The following FRAS1 variants were observed in gnomAD, a reference collection of about 807,000 sequenced individuals.
FRAS1 encodes the protein extracellular matrix organizing protein FRAS1.
FRAS1 carries 290 observed loss-of-function variants against 435.2 expected under a neutral mutation model. The observed-to-expected ratio is 0.67, with a 90% CI of 0.61 to 0.73. The LOEUF (loss-of-function observed/expected upper bound fraction) is 0.73. Among genes scored for constraint, FRAS1 ranks in the 30% least tolerant of loss-of-function variants. The pLI, the probability that FRAS1 is intolerant of heterozygous loss-of-function variation, is 0.00. For missense variants in FRAS1, 4,860 were observed against 5,001.5 expected, an observed-to-expected ratio of 0.97 and a Z score of 0.85; for synonymous variants, 1,800 against 1,851.0, an observed-to-expected ratio of 0.97 and a Z score of 0.71.
chr4:78,308,135 T>C lies in FRAS1; in HGVS notation c.1604T>C (p.Leu535Pro), dbSNP rs767592702. 1 of 1,613,918 alleles carries C rather than the reference T, an allele frequency of 6.2e-7. No homozygotes were observed. The highest frequency in any genetic ancestry group is 1.7e-5 in the Admixed American group (1 of 60,026). ...CACTGCTTGGCCTGCAGAGATCCCC[T>C]CCACGTGCTGAGAGATGGCGGCTGT... ...EKHCLACRDP[L>P]HVLRDGGCES... Residue 535 changes from leucine to proline, a missense_variant, in exon 15 of 74, where the codon CTC becomes CCC. By Grantham distance (98) the Leu-to-Pro change is moderately conservative. Coordinates refer to ENST00000512123, the MANE Select transcript of FRAS1 (RefSeq NM_025074.7).
Position 78,483,791 on chromosome 4 carries a change from T to TATAC in FRAS1, c.8752+1259_8752+1260insCATA, listed in dbSNP as rs1720087626. 1.7e-5 allele frequency among the ~76,000 whole-genome samples: 2 copies of TATAC among 120,280 alleles called. 1 individual carries two copies. The highest frequency in any genetic ancestry group is 6.2e-5 in the African/African-American group (2 of 32,026). The allele number at this position is 120,280 out of a possible 152,430, so 78.9% of individuals were successfully genotyped here. ...AACTCTCTCTCTCTCTCTATATATA[T>TATAC]ATATATAAAATTATGTATGTGTGAT... On this transcript the variant is annotated intron_variant, in intron 58 of 73. Coordinates refer to ENST00000512123, the MANE Select transcript of FRAS1 (RefSeq NM_025074.7).
intron 2 of FRAS1, among the ~76,000 whole-genome samples, chr4:78,177,575 G>A (rs10027012): frequency 0.027 from 4,171 of 152,286 alleles, 220 homozygotes; most frequent in African/African-American, 0.095. Context: ...ATCTCTGGGT[G>A]AGGTCAGTTG....
chr4:78,541,241 C>A lies in FRAS1; in HGVS notation c.*117C>A. The A allele has an allele frequency of 1.8e-6, 1 of 560,064 alleles. No individual in the cohort carries two copies. The highest frequency in any genetic ancestry group is 2.8e-6 in the Non-Finnish European group (1 of 354,404). 34.7% of individuals were successfully genotyped at this position (560,064 alleles called of 1,614,324 possible). A position where few individuals can be genotyped will look rare whatever the true frequency, so the allele number is the denominator to read the frequency against. ...GAAAACTATAGCTTTGAGTGGCAGA[C>A]AGCACACATCACATGCATCAACTCA... On this transcript the variant is annotated 3_prime_UTR_variant, in exon 74 of 74. Coordinates refer to ENST00000512123, the MANE Select transcript of FRAS1 (RefSeq NM_025074.7).
chr4:78,503,072 A>T (rs976768368), intron 61 of FRAS1, among the ~76,000 whole-genome samples: 1 of 152,162 alleles, frequency 6.6e-6, no homozygotes. Context: ...AGCCAACATG[A>T]TCGTGGTGGA....
chr4:78,085,329 T>C (rs763074877), intron 2 of FRAS1, among the ~76,000 whole-genome samples: 5 of 152,168 alleles, frequency 3.3e-5, no homozygotes, highest in Non-Finnish European at 5.9e-5. Flanking sequence ...CTGCCTATCA[T>C]TGTTGGTCTT....
intron 18 of FRAS1, among the ~76,000 whole-genome samples, chr4:78,327,887 G>A (rs1194153700): frequency 6.6e-6 from 1 of 152,088 alleles, no homozygotes; most frequent in East Asian, 1.9e-4. Context: ...TTTAAAGGAT[G>A]CAGATGTTAA....
chr4:78,278,750 T>C lies in FRAS1; in HGVS notation c.1071+6T>C. ...ATGAAGAAACTGGAGAATTTGTGAG[T>C]ATCAGGCTTATAACCGAAGATGATT... On this transcript the variant is annotated splice_donor_region_variant and intron_variant, in intron 10 of 73. Coordinates refer to ENST00000512123, the MANE Select transcript of FRAS1 (RefSeq NM_025074.7). The C allele has an allele frequency of 6.7e-7, 1 of 1,490,190 alleles. No homozygotes were observed. The highest frequency in any genetic ancestry group is 9.4e-7 in the Non-Finnish European group (1 of 1,069,478). 92.3% of individuals were successfully genotyped at this position (1,490,190 alleles called of 1,614,324 possible). A position where few individuals can be genotyped will look rare whatever the true frequency, so the allele number is the denominator to read the frequency against.
chr4:78,243,688 A>G (rs1007930001), intron 3 of FRAS1, among the ~76,000 whole-genome samples: 1 of 151,904 alleles, frequency 6.6e-6, no homozygotes, highest in Non-Finnish European at 1.5e-5. Flanking sequence ...ACAAACACAT[A>G]CACATATATA....
chr4:78,105,079 T>C (rs536325869), intron 2 of FRAS1, among the ~76,000 whole-genome samples: 19 of 152,268 alleles, frequency 1.2e-4, no homozygotes, highest in African/African-American at 4.6e-4. Context: ...AGCCTGCTGT[T>C]CTCCCAATTT....
At chr4:78,537,324 T>A (rs1721915674) in intron 72 of FRAS1, 124 bp downstream of exon 72, 7 of 928,722 alleles carry the variant, frequency 7.5e-6, no homozygotes, top group Admixed American at 2.9e-5. Context: ...TATGTTTGTG[T>A]TGTTGTTTCT....
chr4:78,105,448 C>T (rs916113463), intron 2 of FRAS1, among the ~76,000 whole-genome samples: 1 of 152,134 alleles, frequency 6.6e-6, no homozygotes, highest in Non-Finnish European at 1.5e-5. Context: ...AGGAGAGATA[C>T]TCATATCCTA....
chr4:78,259,401 G>A (rs1389567520), intron 6 of FRAS1, among the ~76,000 whole-genome samples: 6 of 145,622 alleles, frequency 4.1e-5, no homozygotes, highest in East Asian at 4.0e-4. Context: ...TTGCCATTCT[G>A]ACTGGTGTGA....
At chr4:78,355,216 A>C (rs1464809148) in intron 20 of FRAS1, among the ~76,000 whole-genome samples, 2 of 152,098 alleles carry the variant, frequency 1.3e-5, no homozygotes, top group Admixed American at 1.3e-4. Context: ...TAATGTGTTT[A>C]TTAATTTGCT....
At chr4:78,498,365 G>T (rs1189057149) in intron 60 of FRAS1, among the ~76,000 whole-genome samples, 1 of 152,280 alleles carries the variant, frequency 6.6e-6, no homozygotes, top group African/African-American at 2.4e-5. Flanking sequence ...AATTAGCCAG[G>T]CGTGGTGGCA....
At chr4:78,312,479 A>G (rs1048164381) in intron 15 of FRAS1, among the ~76,000 whole-genome samples, 7 of 151,870 alleles carry the variant, frequency 4.6e-5, no homozygotes, top group Admixed American at 4.6e-4. Context: ...TTCCTTTTCA[A>G]AGTTGACTTA....
At chr4:78,530,429 A>T (rs2109901947) in intron 70 of FRAS1, among the ~76,000 whole-genome samples, 1 of 152,210 alleles carries the variant, frequency 6.6e-6, no homozygotes, top group South Asian at 2.1e-4. Flanking sequence ...CCCCAGGCTT[A>T]ACCTTGGATC....
At chr4:78,502,690 A>G (rs532743630) in intron 61 of FRAS1, among the ~76,000 whole-genome samples, 1 of 152,128 alleles carries the variant, frequency 6.6e-6, no homozygotes, top group Non-Finnish European at 1.5e-5. Flanking sequence ...TCTTTTCCTA[A>G]TTGAATACCC....
intron 18 of FRAS1, among the ~76,000 whole-genome samples, chr4:78,330,854 G>C (rs909188210): frequency 6.6e-6 from 1 of 152,166 alleles, no homozygotes; most frequent in Non-Finnish European, 1.5e-5. Flanking sequence ...CACTTGCCTT[G>C]TGATATTCTA....
intron 6 of FRAS1, among the ~76,000 whole-genome samples, chr4:78,259,324 C>G (rs983005461): frequency 6.8e-5 from 8 of 118,438 alleles, no homozygotes; most frequent in African/African-American, 2.3e-4. Context: ...GTCCCACCAA[C>G]AGTGTAAAAG....
Sources: gnomAD v4.1 joint callset for allele counts (sites outside exome capture counted in the v4.1 genomes callset) on GRCh38, gnomAD v4.1.1 for gene constraint, MANE v1.5 for transcripts, NCBI Gene and HGNC (gene_info 2026-07-23, HGNC 2026-07-21) for gene names.